The following CORIN variants were observed in gnomAD, a reference collection of about 807,000 sequenced individuals.
CORIN encodes corin, serine peptidase.
Under a neutral mutation model 125.3 loss-of-function variants are expected in CORIN, and 117 were observed. The ratio of observed to expected loss-of-function variants is 0.93; its 90% confidence interval spans 0.80 to 1.09. The LOEUF (loss-of-function observed/expected upper bound fraction) is 1.09, where lower values mean the gene tolerates loss of function less well. Ranked by LOEUF, CORIN falls within the 50% of genes least tolerant of loss-of-function variation. CORIN has a pLI of 0.00. For missense variants in CORIN, 1,253 were observed against 1,306.7 expected (o/e 0.96, Z 0.63); for synonymous variants, 450 against 466.4 (o/e 0.96, Z 0.45).
At chr4:47,701,479 T>C (rs1367227225) in intron 5 of CORIN, among the ~76,000 whole-genome samples, 1 of 152,120 alleles carries the variant, frequency 6.6e-6, no homozygotes, top group Non-Finnish European at 1.5e-5. Context: ...GAAGAGCTAT[T>C]ACTCTATAAA....
intron 15 of CORIN, among the ~76,000 whole-genome samples, 161 bp from the exon 16 acceptor site, chr4:47,642,210 G>A (rs1223550045): frequency 6.6e-6 from 1 of 152,024 alleles, no homozygotes; most frequent in Non-Finnish European, 1.5e-5. Context: ...TGCCTTCAGT[G>A]TGCTAGAGGG....
At chr4:47,718,419 T>C (rs1168781089) in intron 5 of CORIN, among the ~76,000 whole-genome samples, 1 of 152,192 alleles carries the variant, frequency 6.6e-6, no homozygotes, top group Non-Finnish European at 1.5e-5. Context: ...AGGATAATAA[T>C]TATGTAACTA....
intron 2 of CORIN, among the ~76,000 whole-genome samples, chr4:47,804,661 A>G (rs952842793): frequency 1.7e-4 from 23 of 136,104 alleles, no homozygotes; most frequent in African/African-American, 5.7e-4. Flanking sequence ...AATCAAAACA[A>G]TTGAACTCAT....
chr4:47,699,924 C>T (rs1388563927), intron 5 of CORIN, among the ~76,000 whole-genome samples: 2 of 152,102 alleles, frequency 1.3e-5, no homozygotes, highest in Admixed American at 6.5e-5. Context: ...CCCACATTAC[C>T]CACACTTTGG....
At chr4:47,804,096 A>G (rs1310984400) in intron 2 of CORIN, among the ~76,000 whole-genome samples, 1 of 152,236 alleles carries the variant, frequency 6.6e-6, no homozygotes, top group African/African-American at 2.4e-5. Flanking sequence ...AAATAAGCAT[A>G]TGAAAAGGGG....
chr4:47,645,743 C>G (rs1268981501), intron 13 of CORIN, among the ~76,000 whole-genome samples: 1 of 151,706 alleles, frequency 6.6e-6, no homozygotes, highest in African/African-American at 2.4e-5. Context: ...ATACAAAAAA[C>G]AGCAAGGTAG....
chr4:47,726,561 G>C (rs1284872866), intron 5 of CORIN, among the ~76,000 whole-genome samples: 1 of 152,024 alleles, frequency 6.6e-6, no homozygotes, highest in Admixed American at 6.6e-5. Flanking sequence ...GGCCATAAAG[G>C]ACAAGACGAA....
chr4:47,611,025 G>C (rs934889780), intron 19 of CORIN, among the ~76,000 whole-genome samples: 3 of 152,148 alleles, frequency 2.0e-5, no homozygotes, highest in African/African-American at 7.2e-5. Context: ...AAGTTGGGTA[G>C]GGTGATGCCT....
rs546884302 is a variant in CORIN, at chr4:47,724,919, A to T, written c.799+19483T>A. Among the ~76,000 whole-genome samples, 7 of 152,280 alleles carry T rather than the reference A, an allele frequency of 4.6e-5. 1 individual carries two copies. In the South Asian group the frequency reaches 1.5e-3, roughly 32 times the overall value. On this transcript the variant is annotated intron_variant, in intron 5 of 21. Transcript: ENST00000273857. ...TCATATTCAGTTCATCCCCACATTC[A>T]GAGGTGAGGGGATTATACAGGGTGA...
intron 17 of CORIN, among the ~76,000 whole-genome samples, chr4:47,625,497 G>C (rs750810797): frequency 6.6e-5 from 10 of 151,934 alleles, no homozygotes; most frequent in Non-Finnish European, 1.3e-4. Context: ...CAAATCACTT[G>C]GTTAAAAGAT....
chr4:47,703,057 CA>C (rs1242659256), intron 5 of CORIN, among the ~76,000 whole-genome samples: 1 of 152,156 alleles, frequency 6.6e-6, no homozygotes, highest in Non-Finnish European at 1.5e-5. Flanking sequence ...TCAGCATTAG[CA>C]TTTTTAAAAA....
At chr4:47,630,235 T>C (rs1722755682) in intron 16 of CORIN, among the ~76,000 whole-genome samples, 1 of 152,208 alleles carries the variant, frequency 6.6e-6, no homozygotes. Flanking sequence ...TGATTGGTAT[T>C]ATGAACTTCC....
intron 1 of CORIN, 81 bp downstream of exon 1, chr4:47,837,806 G>T: frequency 8.1e-7 from 1 of 1,236,252 alleles, no homozygotes; most frequent in Non-Finnish European, 1.2e-6. Flanking sequence ...GGACGGGGGC[G>T]GGAGGGGCTG....
chr4:47,686,411 T>C (rs537949612), intron 6 of CORIN, among the ~76,000 whole-genome samples: 2 of 152,066 alleles, frequency 1.3e-5, no homozygotes, highest in East Asian at 1.9e-4. Context: ...TAAGGGAAAA[T>C]ATAAGAACTA....
chr4:47,832,173 C>T (rs901489264), intron 1 of CORIN, among the ~76,000 whole-genome samples: 1 of 152,034 alleles, frequency 6.6e-6, no homozygotes, highest in Non-Finnish European at 1.5e-5. Flanking sequence ...GGCCATAAAG[C>T]TCATAGGGAG....
chr4:47,596,967 T>C (rs1721278348), intron 21 of CORIN, among the ~76,000 whole-genome samples: 1 of 152,196 alleles, frequency 6.6e-6, no homozygotes, highest in Non-Finnish European at 1.5e-5. Flanking sequence ...GAGGCTAGAT[T>C]TGAATCCAGG....
At chr4:47,733,132 A>G (rs111309745) in intron 5 of CORIN, among the ~76,000 whole-genome samples, 85 of 151,410 alleles carry the variant, frequency 5.6e-4, no homozygotes, top group Admixed American at 2.2e-3. Flanking sequence ...TGCACAGGGC[A>G]TGTGGCTTCT....
At chr4:47,709,992 A>G (rs1382227312) in intron 5 of CORIN, among the ~76,000 whole-genome samples, 1 of 152,246 alleles carries the variant, frequency 6.6e-6, no homozygotes, top group Non-Finnish European at 1.5e-5. Context: ...GTCTCATGGA[A>G]CAATTTTAAT....
intron 5 of CORIN, among the ~76,000 whole-genome samples, chr4:47,716,228 C>A (rs955702093): frequency 1.3e-5 from 2 of 152,172 alleles, no homozygotes; most frequent in Non-Finnish European, 2.9e-5. Flanking sequence ...GTTCTGTTTA[C>A]ACAATGACAC....
Sources: gnomAD v4.1 joint callset for allele counts (sites outside exome capture counted in the v4.1 genomes callset) on GRCh38, gnomAD v4.1.1 for gene constraint, MANE v1.5 for transcripts, NCBI Gene and HGNC (gene_info 2026-07-23, HGNC 2026-07-21) for gene names.